Variants in PCP4L1 observed in about 807,000 individuals in gnomAD.
PCP4L1 encodes the protein Purkinje cell protein 4 like 1.
PCP4L1 carries 9 observed loss-of-function variants against 9.6 expected under a neutral mutation model. The observed-to-expected ratio is 0.94, with a 90% confidence interval of 0.57 to 1.64. PCP4L1 has a LOEUF of 1.64. Ranked by LOEUF, PCP4L1 falls within the 40% of genes most tolerant of loss-of-function variation. The pLI, the probability that PCP4L1 is intolerant of heterozygous loss-of-function variation, is 0.00. For synonymous variants in PCP4L1, 31 were observed against 28.2 expected (o/e 1.10, Z -0.31); for missense variants, 81 against 80.8 (o/e 1.00, Z -0.01).
In PCP4L1 at chr1:161,265,525, G is replaced by A. The variant is rs114921707; in HGVS notation, c.9+6542G>A. Among the ~76,000 whole-genome samples, 1,002 of 151,656 alleles carry A rather than the reference G, an allele frequency of 6.6e-3. 12 individuals carry two copies. Among genetic ancestry groups the A allele is most frequent in the African/African-American group, 0.023 (953 of 41,312 alleles). ...GCAACAGAGCACGACCCTGTCTCAG[G>A]GAAAAAAAAGCAAGAAGATGGGGAA... On this transcript the variant is annotated intron_variant, in intron 1 of 2. Coordinates refer to ENST00000504449, the MANE Select transcript of PCP4L1 (RefSeq NM_001102566.2).
At chr1:161,280,353 CT>C (rs1471317907) in intron 1 of PCP4L1, among the ~76,000 whole-genome samples, 3 of 152,142 alleles carry the variant, frequency 2.0e-5, no homozygotes, top group Admixed American at 6.5e-5. Flanking sequence ...ATCTCACCCC[CT>C]CTCTCCTATT....
In PCP4L1 at chr1:161,284,526, C is replaced by T; in HGVS notation, c.*45C>T. 6.3e-7 allele frequency: 1 copy of T among 1,588,920 alleles called. No homozygotes were observed. The highest frequency in any genetic ancestry group is 8.6e-7 in the Non-Finnish European group (1 of 1,167,196). On this transcript the variant is annotated 3_prime_UTR_variant, in exon 3 of 3. Coordinates refer to ENST00000504449, the MANE Select transcript of PCP4L1 (RefSeq NM_001102566.2). ...ACCTTCACCTTCATGCTGGTCCCTT[C>T]TCTCCCCTTCTCCACACCCATGTAT... is the stretch of plus-strand genomic sequence containing the variant.
chr1:161,259,535 G>A (rs972498738), intron 1 of PCP4L1, among the ~76,000 whole-genome samples: 1 of 152,182 alleles, frequency 6.6e-6, no homozygotes, highest in Non-Finnish European at 1.5e-5. Flanking sequence ...GCCAGTTGCT[G>A]GGGAGATTTC....
At chr1:161,265,271 C>T (rs1184216610) in intron 1 of PCP4L1, among the ~76,000 whole-genome samples, 1 of 152,154 alleles carries the variant, frequency 6.6e-6, no homozygotes, top group Admixed American at 6.5e-5. Flanking sequence ...TGGCTCATAC[C>T]TATTATCCCA....
chr1:161,281,928 TC>T (rs1165056892), intron 1 of PCP4L1, among the ~76,000 whole-genome samples: 1 of 149,732 alleles, frequency 6.7e-6, no homozygotes, highest in African/African-American at 2.5e-5. Flanking sequence ...GAGGCGCTCC[TC>T]ACATCCCAGA....
intron 1 of PCP4L1, among the ~76,000 whole-genome samples, chr1:161,270,260 G>A (rs981797119): frequency 1.3e-5 from 2 of 151,978 alleles, no homozygotes; most frequent in Admixed American, 6.6e-5. Context: ...TCATGCCACT[G>A]TACTCCAGCC....
rs773841778 is a variant in PCP4L1 at position 161,284,331 on chromosome 1, A to G, written c.65-8A>G. 1 of 1,614,002 alleles carries G rather than the reference A, an allele frequency of 6.2e-7. No homozygotes were observed. The highest frequency in any genetic ancestry group is 8.5e-7 in the Non-Finnish European group (1 of 1,179,890). ...TAACTCATTAATGAGTCTCCCAACT[A>G]TCTGCAGGAAAAGCTGGCAATGTCA... On this transcript the variant is annotated splice_polypyrimidine_tract_variant and splice_region_variant and intron_variant, in intron 2 of 2. Transcript: ENST00000504449.
chr1:161,258,975 A>ATGAGCGAGG lies in PCP4L1; in HGVS notation c.8_9+7dup. ...TCGCGCGCCCTGTCCGGCTGCGGAG[A>ATGAGCGAGG]TGAGCGAGGTGAGCGGTGCGGCCCC... On this transcript the variant is annotated inframe_insertion, in exon 1 of 3. Transcript: ENST00000504449. 1 of 1,533,992 alleles carries ATGAGCGAGG rather than the reference A, an allele frequency of 6.5e-7. No homozygotes were observed. The highest frequency in any genetic ancestry group is 8.7e-7 in the Non-Finnish European group (1 of 1,145,868).
rs1322948934 is a variant in PCP4L1, at chr1:161,270,509, G to A, written c.9+11526G>A. 7.6e-5 allele frequency among the ~76,000 whole-genome samples: 11 copies of A among 145,162 alleles called. 1 individual carries two copies. The Admixed American group carries it at 7.8e-4, about 10-fold the overall frequency. On this transcript the variant is annotated intron_variant, in intron 1 of 2. Coordinates refer to ENST00000504449, the MANE Select transcript of PCP4L1 (RefSeq NM_001102566.2). ...AGTGAGGGCTTTGGGAAGTGATTAGGTCATGAGGGCAGAGCCCTCATAAAT... is the reference window on the plus strand; with the variant it reads ...AGTGAGGGCTTTGGGAAGTGATTAGATCATGAGGGCAGAGCCCTCATAAAT...
chr1:161,278,353 A>T (rs530702124), intron 1 of PCP4L1, among the ~76,000 whole-genome samples: 46 of 146,628 alleles, frequency 3.1e-4, no homozygotes, highest in African/African-American at 1.0e-3. Flanking sequence ...CCATTGCAAG[A>T]CTCTCTTGTT....
At chr1:161,272,683 TTATTTATTTTTATTTAAGGATAAATA>T (rs1317562385) in intron 1 of PCP4L1, among the ~76,000 whole-genome samples, 2 of 151,940 alleles carry the variant, frequency 1.3e-5, no homozygotes, top group Non-Finnish European at 2.9e-5. Flanking sequence ...TTTTATTTAT[TTATTTATTTTTATTTAAGGATAAATA>T]TATTTATTTA....
chr1:161,264,719 C>T (rs889800233), intron 1 of PCP4L1, among the ~76,000 whole-genome samples: 2 of 151,960 alleles, frequency 1.3e-5, no homozygotes, highest in Non-Finnish European at 2.9e-5. Flanking sequence ...ATCCCAGTTA[C>T]GTGGGAGGCT....
chr1:161,259,677 G>GT (rs1669385119), intron 1 of PCP4L1, among the ~76,000 whole-genome samples: 1 of 152,218 alleles, frequency 6.6e-6, no homozygotes, highest in African/African-American at 2.4e-5. Context: ...TGTTCATGGG[G>GT]TGGGGGAGTG....
At chr1:161,279,839 A>G (rs1011041233) in intron 1 of PCP4L1, among the ~76,000 whole-genome samples, 24 of 151,440 alleles carry the variant, frequency 1.6e-4, no homozygotes, top group African/African-American at 5.1e-4. Flanking sequence ...GGGAATTACT[A>G]TTTTTTTTTA....
chr1:161,265,831 G>A (rs989477725), intron 1 of PCP4L1, among the ~76,000 whole-genome samples: 4 of 147,608 alleles, frequency 2.7e-5, no homozygotes, highest in African/African-American at 5.0e-5. Flanking sequence ...CTCACCTCCC[G>A]GGTTCAAGCA....
At position 161,284,628 on chromosome 1, in the gene PCP4L1, C is replaced by T. The variant is rs1266477299; in HGVS notation, c.*147C>T. The T allele has an allele frequency of 2.7e-6, 3 of 1,092,092 alleles. No homozygotes were observed. The East Asian group carries it at 7.8e-5, about 28-fold the overall frequency. 67.7% of individuals were successfully genotyped at this position (1,092,092 alleles called of 1,614,324 possible). A position where few individuals can be genotyped will look rare whatever the true frequency, so the allele number is the denominator to read the frequency against. ...TACTCTTGTATCTGGCCCCCTCAAG[C>T]CATCACAGAAGTAGAGGCACAAGAG... On this transcript the variant is annotated 3_prime_UTR_variant, in exon 3 of 3. Transcript: ENST00000504449.
chr1:161,265,613 G>A lies in PCP4L1; in HGVS notation c.9+6630G>A, dbSNP rs141687919. Among the ~76,000 whole-genome samples the A allele has an allele frequency of 1.6e-4, 25 of 152,100 alleles. 1 individual carries two copies. In the East Asian group the frequency reaches 4.4e-3, roughly 27 times the overall value. Reference sequence around the variant, plus strand: ...GTGATGAAATCTTACTGGGATTCAAGCATCCTGAGTGCATGATTTTCTAAA... The same window carrying A: ...GTGATGAAATCTTACTGGGATTCAAACATCCTGAGTGCATGATTTTCTAAA... On this transcript the variant is annotated intron_variant, in intron 1 of 2. Coordinates refer to ENST00000504449, the MANE Select transcript of PCP4L1 (RefSeq NM_001102566.2).
At chr1:161,281,861 C>A (rs1269409212) in intron 1 of PCP4L1, among the ~76,000 whole-genome samples, 1 of 130,824 alleles carries the variant, frequency 7.6e-6, no homozygotes, top group Admixed American at 7.7e-5. Flanking sequence ...ACATCTCAGA[C>A]GATGGGTGGC....
chr1:161,278,311 AC>A (rs1391069408), intron 1 of PCP4L1, among the ~76,000 whole-genome samples: 1 of 151,606 alleles, frequency 6.6e-6, no homozygotes, highest in Non-Finnish European at 1.5e-5. Context: ...CATCACTACC[AC>A]CCTAGTCCAG....
Sources: allele counts gnomAD v4.1 joint callset (sites outside exome capture counted in the v4.1 genomes callset), GRCh38; gene constraint gnomAD v4.1.1; transcripts MANE v1.5; gene names NCBI Gene and HGNC (gene_info 2026-07-23, HGNC 2026-07-21).